ARHGEF26: variants seen among roughly 807,000 people sequenced by gnomAD.
ARHGEF26 encodes Rho guanine nucleotide exchange factor (GEF) 26.
Under a neutral mutation model 89.4 loss-of-function variants are expected in ARHGEF26, and 59 were observed. That is an observed-to-expected ratio of 0.66 (90% CI 0.54 to 0.82). ARHGEF26 has a LOEUF of 0.82. ARHGEF26 is among the 40% of genes least tolerant of loss of function. The probability of loss-of-function intolerance (pLI) is 0.00; values close to 1 mark genes in which losing one functional copy is unlikely to be tolerated. For missense variants in ARHGEF26, 1,234 were observed against 1,085.6 expected (o/e 1.14, Z -1.92); for synonymous variants, 500 against 428.4 (o/e 1.17, Z -2.06).
At chr3:154,140,452 TCCC>T (rs1367159940) in intron 4 of ARHGEF26, among the ~76,000 whole-genome samples, 4 of 152,178 alleles carry the variant, frequency 2.6e-5, no homozygotes, top group Non-Finnish European at 5.9e-5. Flanking sequence ...ACTATGTTTC[TCCC>T]AGGTGCTCAG....
intron 9 of ARHGEF26, among the ~76,000 whole-genome samples, chr3:154,196,309 G>C (rs1255459492): frequency 6.6e-6 from 1 of 152,160 alleles, no homozygotes; most frequent in African/African-American, 2.4e-5. Flanking sequence ...GCTACTGATA[G>C]AAATATCTAG....
At chr3:154,243,280 T>C (rs1291889745) in intron 12 of ARHGEF26, among the ~76,000 whole-genome samples, 1 of 152,220 alleles carries the variant, frequency 6.6e-6, no homozygotes, top group Non-Finnish European at 1.5e-5. Context: ...TAGTTAGTAA[T>C]GGTGAAAGTG....
chr3:154,253,183 TG>T lies in ARHGEF26; in HGVS notation c.2368+1del. The T allele has an allele frequency of 6.2e-7, 1 of 1,614,006 alleles. No homozygotes were observed. Among genetic ancestry groups the T allele is most frequent in the Non-Finnish European group, 8.5e-7 (1 of 1,179,866 alleles). On this transcript the variant is annotated splice_donor_variant, in intron 13 of 14. Coordinates refer to ENST00000465093, the MANE Select transcript of ARHGEF26 (RefSeq NM_015595.4). LOFTEE classifies it high-confidence loss of function. ...CGGGAAGCCGCCTGCAGACCGAACCTGTAAGTTCTCTCAAGGGGAAGCCCAC... is the reference window on the plus strand; with the variant it reads ...CGGGAAGCCGCCTGCAGACCGAACCTTAAGTTCTCTCAAGGGGAAGCCCAC...
chr3:154,139,971 C>G (rs1366893736), intron 4 of ARHGEF26, among the ~76,000 whole-genome samples: 1 of 152,134 alleles, frequency 6.6e-6, no homozygotes, highest in Admixed American at 6.5e-5. Context: ...ATAAGCCTAT[C>G]CAACTATAAT....
chr3:154,208,839 C>T (rs945128095), intron 9 of ARHGEF26, among the ~76,000 whole-genome samples: 1 of 146,538 alleles, frequency 6.8e-6, no homozygotes, highest in Non-Finnish European at 1.5e-5. Context: ...AATCTTGGCT[C>T]ACTGCAACCT....
At chr3:154,221,438 AATGCAAGTTACTAC>A (rs1716122279) in intron 10 of ARHGEF26, among the ~76,000 whole-genome samples, 1 of 152,236 alleles carries the variant, frequency 6.6e-6, no homozygotes, top group Non-Finnish European at 1.5e-5. Flanking sequence ...CAAAATTACA[AATGCAAGTTACTAC>A]AACTCAGCAA....
At chr3:154,130,047 G>C (rs758218732) in intron 4 of ARHGEF26, among the ~76,000 whole-genome samples, 1 of 151,570 alleles carries the variant, frequency 6.6e-6, no homozygotes, top group Non-Finnish European at 1.5e-5. Context: ...ATATATATGC[G>C]TGTGTGTTTA....
chr3:154,235,056 ATTC>A (rs1717037625), intron 11 of ARHGEF26, among the ~76,000 whole-genome samples: 1 of 151,136 alleles, frequency 6.6e-6, no homozygotes, highest in African/African-American at 2.4e-5. Context: ...AGGCTAGTTT[ATTC>A]TTTTTTTTTT....
At chr3:154,160,139 G>A (rs1711568892) in intron 6 of ARHGEF26, among the ~76,000 whole-genome samples, 1 of 151,984 alleles carries the variant, frequency 6.6e-6, no homozygotes. Flanking sequence ...CTTTTTGACT[G>A]TTTCTCTATC....
rs1326384789 is a variant in ARHGEF26 at position 154,152,880 on chromosome 3, G to A, written c.1435G>A (p.Glu479Lys). Residue 479 changes from glutamate (E) to lysine (K), a missense_variant, in exon 6 of 15, where the codon GAG (glutamate) becomes AAG (lysine). Transcript: ENST00000465093. ...KELSDTMTKT[E>K]RHHLFSNITD... ...ACTGAGTGATACAATGACTAAAACCGAGAGGCACCATCTTTTCTCCAATAT... is the reference window on the plus strand; with the variant it reads ...ACTGAGTGATACAATGACTAAAACCAAGAGGCACCATCTTTTCTCCAATAT... 3.8e-6 allele frequency: 6 copies of A among 1,597,798 alleles called. No homozygotes were observed. The highest frequency in any genetic ancestry group is 2.7e-5 in the African/African-American group (2 of 74,640).
At chr3:154,126,543 A>G (rs946146802) in intron 3 of ARHGEF26, among the ~76,000 whole-genome samples, 4 of 152,192 alleles carry the variant, frequency 2.6e-5, no homozygotes, top group African/African-American at 4.8e-5. Flanking sequence ...TTGCTGTCTA[A>G]TCTAAGCAAG....
intron 9 of ARHGEF26, among the ~76,000 whole-genome samples, chr3:154,204,779 C>T (rs1359366078): frequency 2.6e-5 from 4 of 152,072 alleles, no homozygotes; most frequent in South Asian, 4.1e-4. Context: ...CTTTAACCTA[C>T]TGGTCATTCA....
chr3:154,249,918 C>T (rs1214812040), intron 12 of ARHGEF26, among the ~76,000 whole-genome samples: 5 of 152,170 alleles, frequency 3.3e-5, no homozygotes, highest in Non-Finnish European at 7.4e-5. Context: ...TAAATTTAAT[C>T]GTGGGTAAGT....
chr3:154,173,801 A>C (rs1362909002), intron 6 of ARHGEF26, among the ~76,000 whole-genome samples: 1 of 152,204 alleles, frequency 6.6e-6, no homozygotes, highest in Non-Finnish European at 1.5e-5. Context: ...GGTTCCTGAC[A>C]AACAAGAGCA....
chr3:154,224,784 C>T (rs779561100), intron 10 of ARHGEF26, among the ~76,000 whole-genome samples: 1 of 152,036 alleles, frequency 6.6e-6, no homozygotes, highest in Non-Finnish European at 1.5e-5. Context: ...GTTTTTTGGA[C>T]CTTCAGGAAA....
At chr3:154,183,977 C>CTTTTTTTTT (rs548153454) in intron 6 of ARHGEF26, among the ~76,000 whole-genome samples, 2,002 of 140,084 alleles carry the variant, frequency 0.014, 55 homozygotes, top group African/African-American at 0.044. Context: ...AATTTTCTTT[C>CTTTTTTTTT]TTTTTTTTTT....
chr3:154,223,870 C>T (rs1433519083), intron 10 of ARHGEF26, among the ~76,000 whole-genome samples: 3 of 152,044 alleles, frequency 2.0e-5, no homozygotes, highest in Non-Finnish European at 4.4e-5. Flanking sequence ...TTTATCTCAA[C>T]ATTAAAAAAA....
rs1033149063 is a variant in ARHGEF26, at chr3:154,255,249, G to A, written c.2474-82G>A. The A allele has an allele frequency of 2.5e-5, 36 of 1,438,910 alleles. No individual in the cohort carries two copies. In the African/African-American group the frequency reaches 4.4e-4, roughly 18 times the overall value. The allele number at this position is 1,438,910 out of a possible 1,614,324, so 89.1% of individuals were successfully genotyped here. On this transcript the variant is annotated intron_variant, in intron 14 of 14. Transcript: ENST00000465093. ...AGCACTTAGCCTGGGGAGGGATGCT[G>A]CCTCTCAGCTTTTTCATATCCTTGG...
At position 154,145,566 on chromosome 3, in the gene ARHGEF26, G is replaced by T. The variant is rs372687536; in HGVS notation, c.1270-3823G>T. 8.5e-5 allele frequency among the ~76,000 whole-genome samples: 13 copies of T among 152,238 alleles called. 1 individual carries two copies. Among genetic ancestry groups the T allele is most frequent in the Admixed American group, 2.0e-4 (3 of 15,284 alleles). ...CTGGCTACATTTTTGAGTCTTTTTG[G>T]TTTGTGAGGCTTTTGGGTTCTTCCC... On this transcript the variant is annotated intron_variant, in intron 4 of 14. Coordinates refer to ENST00000465093, the MANE Select transcript of ARHGEF26 (RefSeq NM_015595.4).
Sources: gnomAD v4.1 joint callset for allele counts (sites outside exome capture counted in the v4.1 genomes callset) on GRCh38, gnomAD v4.1.1 for gene constraint, MANE v1.5 for transcripts, NCBI Gene and HGNC (gene_info 2026-07-23, HGNC 2026-07-21) for gene names.